The following MBD5 variants were observed in gnomAD, a reference collection of about 807,000 sequenced individuals.
MBD5 encodes the protein methyl-CpG binding domain protein 5, also known as methyl-CpG-binding domain protein 5.
A neutral mutation model predicts 117.3 loss-of-function variants in MBD5; 13 were observed. That is an observed-to-expected ratio of 0.11 (90% confidence interval 0.07 to 0.18). The LOEUF is 0.18. Among genes scored for constraint, MBD5 ranks in the 10% least tolerant of loss-of-function variants. The probability of loss-of-function intolerance (pLI) is 1.00; values close to 1 mark genes in which losing one functional copy is unlikely to be tolerated. For missense variants in MBD5, 1,879 were observed against 2,093.8 expected, an observed-to-expected ratio of 0.90 and a Z score of 2.00; for synonymous variants, 727 against 766.4, an observed-to-expected ratio of 0.95 and a Z score of 0.85.
chr2:148,078,307 C>T (rs962855090), intron 1 of MBD5, among the ~76,000 whole-genome samples: 1 of 152,070 alleles, frequency 6.6e-6, no homozygotes, highest in Admixed American at 6.6e-5. Flanking sequence ...TCTGTGACTC[C>T]AGTAACTCTA....
intron 3 of MBD5, among the ~76,000 whole-genome samples, chr2:148,297,589 C>G (rs773854606): frequency 6.4e-4 from 98 of 152,256 alleles, no homozygotes; most frequent in Non-Finnish European, 1.2e-3. Flanking sequence ...TAAATTCTGT[C>G]CCCTATACTG....
chr2:148,443,005 A>T (rs1706374118), intron 4 of MBD5, among the ~76,000 whole-genome samples: 1 of 151,402 alleles, frequency 6.6e-6, no homozygotes, highest in Non-Finnish European at 1.5e-5. Flanking sequence ...TCTGACAGGG[A>T]TCAATAACCA....
At chr2:148,232,534 C>T (rs1445761810) in intron 2 of MBD5, among the ~76,000 whole-genome samples, 1 of 151,910 alleles carries the variant, frequency 6.6e-6, no homozygotes, top group Non-Finnish European at 1.5e-5. Context: ...AATGCAATGG[C>T]ATGATTGTAG....
chr2:148,375,505 A>G (rs935322123), intron 4 of MBD5, among the ~76,000 whole-genome samples: 1 of 152,220 alleles, frequency 6.6e-6, no homozygotes, highest in African/African-American at 2.4e-5. Flanking sequence ...TCCCTCAGGA[A>G]GATTTGCATC....
intron 2 of MBD5, among the ~76,000 whole-genome samples, chr2:148,226,584 T>G (rs908192195): frequency 3.9e-5 from 6 of 152,228 alleles, no homozygotes; most frequent in South Asian, 2.1e-4. Context: ...CGTGTGCATG[T>G]GTCTTTATAG....
rs73965313 is a variant in MBD5 at position 148,332,689 on chromosome 2, C to T, written c.-679-9525C>T. ...TCTGATTTCTGTTTTATCTATTTTT[C>T]GTTTCTAGAAGCTATTAAGATTTTC... On this transcript the variant is annotated intron_variant, in intron 3 of 13. Transcript: ENST00000642680. 8.0e-3 allele frequency among the ~76,000 whole-genome samples: 1,223 copies of T among 152,096 alleles called. 17 individuals carry two copies. The highest frequency in any genetic ancestry group is 0.028 in the African/African-American group (1,155 of 41,510).
At chr2:148,073,281 A>G (rs1695409507) in intron 1 of MBD5, among the ~76,000 whole-genome samples, 1 of 152,152 alleles carries the variant, frequency 6.6e-6, no homozygotes, top group Non-Finnish European at 1.5e-5. Flanking sequence ...GGTAGGGGGT[A>G]GCAGGTATAG....
rs756787235 is a variant in MBD5, at chr2:148,483,141, A to G, written c.2550A>G (p.Ile850Met). ...CAGGACCATCATCCTCCATAGCCAT[A>G]GCGGGCACCAACCACCCTGCCATCA... ...GGSGPSSSIA[I>M]AGTNHPAITK... Residue 850 changes from isoleucine to methionine, a missense_variant, in exon 9 of 14, where the codon ATA becomes ATG. Ile to Met is a conservative substitution (Grantham distance 10). Around this residue, in one of 4 missense-constraint regions of MBD5, gnomAD observed 1,666 missense variants for 1,792.2 expected, o/e 0.93. Transcript: ENST00000642680. 2.4e-5 allele frequency: 38 copies of G among 1,611,608 alleles called. No homozygotes were observed. In the East Asian group the frequency reaches 6.7e-4, roughly 28 times the overall value.
chr2:148,429,934 T>G (rs1173636041), intron 4 of MBD5, among the ~76,000 whole-genome samples: 1 of 152,128 alleles, frequency 6.6e-6, no homozygotes, highest in Non-Finnish European at 1.5e-5. Flanking sequence ...CCATGGCACA[T>G]GTATACCTAT....
At position 148,516,701 on chromosome 2, in the gene MBD5, T is replaced by C. The variant is rs1056939232; in HGVS notation, c.*3760T>C. The C allele has an allele frequency of 4.6e-5, 7 of 152,232 alleles. No homozygotes were observed. The highest frequency in any genetic ancestry group is 1.0e-4 in the Non-Finnish European group (7 of 68,024). The allele number at this position is 152,232 out of a possible 1,614,324, so 9.4% of individuals were successfully genotyped here. A position where few individuals can be genotyped will look rare whatever the true frequency, so the allele number is the denominator to read the frequency against. Reference sequence around the variant, plus strand: ...TGGGGAGTCTGATATAGAAAAAATATATAAAAAGCATTATCTTCAAATATG... The same window carrying C: ...TGGGGAGTCTGATATAGAAAAAATACATAAAAAGCATTATCTTCAAATATG... On this transcript the variant is annotated 3_prime_UTR_variant, in exon 14 of 14. Transcript: ENST00000642680.
chr2:148,195,089 C>G (rs1321627447), intron 2 of MBD5, among the ~76,000 whole-genome samples: 3 of 152,100 alleles, frequency 2.0e-5, no homozygotes, highest in Admixed American at 6.6e-5. Flanking sequence ...TCCAATAAAA[C>G]TTTATTTGCA....
chr2:148,371,833 G>A (rs1202180462), intron 4 of MBD5, among the ~76,000 whole-genome samples: 4 of 152,092 alleles, frequency 2.6e-5, no homozygotes, highest in African/African-American at 9.7e-5. Context: ...TATTATACAT[G>A]TAGTGAACTT....
chr2:148,299,147 G>A (rs74862145), intron 3 of MBD5, among the ~76,000 whole-genome samples: 2 of 138,964 alleles, frequency 1.4e-5, no homozygotes, highest in African/African-American at 5.5e-5. Flanking sequence ...TTTTTTTTTT[G>A]AAACAGAGTC....
intron 4 of MBD5, 70 bp from the exon 5 acceptor site, chr2:148,458,133 T>A (rs534335878): frequency 5.0e-6 from 2 of 396,504 alleles, no homozygotes; most frequent in Non-Finnish European, 8.9e-6. Flanking sequence ...GTTTATTCTA[T>A]TTTAAAACTG....
At chr2:148,112,929 G>A (rs560450098) in intron 1 of MBD5, among the ~76,000 whole-genome samples, 14 of 152,264 alleles carry the variant, frequency 9.2e-5, no homozygotes, top group South Asian at 2.1e-4. Flanking sequence ...GGAGGATTGC[G>A]TGAAGCCAGG....
rs1486237889 is a variant in MBD5 at position 148,483,214 on chromosome 2, G to T, written c.2623G>T (p.Ala875Ser). 4 of 1,613,754 alleles carry T rather than the reference G, an allele frequency of 2.5e-6. No individual in the cohort carries two copies. Among genetic ancestry groups the T allele is most frequent in the Admixed American group, 1.7e-5 (1 of 59,948 alleles). The stretch of plus-strand genomic sequence containing the variant: ...AGATGGCGTCATAGTCACCACTGCA[G>T]CTGGAAACCCACTGCAGAGTCAGCT... ...LQDGVIVTTAAGNPLQSQLPI... is the reference protein window; with the variant it reads ...LQDGVIVTTASGNPLQSQLPI... Residue 875 changes from alanine (A) to serine (S), a missense_variant, in exon 9 of 14, where the codon GCT becomes TCT. Physicochemically the swap from Ala to Ser is moderately conservative, Grantham distance 99. Transcript: ENST00000642680.
At chr2:148,503,422 C>T (rs1217589865) in intron 12 of MBD5, among the ~76,000 whole-genome samples, 2 of 152,168 alleles carry the variant, frequency 1.3e-5, no homozygotes, top group East Asian at 3.9e-4. Flanking sequence ...AAGTGGAGAT[C>T]AGAATGATTC....
At chr2:148,421,022 C>T (rs1705586949) in intron 4 of MBD5, among the ~76,000 whole-genome samples, 1 of 152,194 alleles carries the variant, frequency 6.6e-6, no homozygotes, top group African/African-American at 2.4e-5. Flanking sequence ...AGCCACTACA[C>T]CCATGAAAAG....
At chr2:148,177,841 G>A (rs1249846607) in intron 1 of MBD5, among the ~76,000 whole-genome samples, 1 of 152,160 alleles carries the variant, frequency 6.6e-6, no homozygotes, top group Non-Finnish European at 1.5e-5. Flanking sequence ...ACCAAAAGGA[G>A]CAATGATAAT....
Sources: allele counts gnomAD v4.1 joint callset (sites outside exome capture counted in the v4.1 genomes callset), GRCh38; gene constraint gnomAD v4.1.1; regional missense constraint gnomAD v4.1.1; transcripts MANE v1.5; gene names NCBI Gene and HGNC (gene_info 2026-07-23, HGNC 2026-07-21).